SHPRH: variants seen among roughly 807,000 people sequenced by gnomAD.
SHPRH encodes SNF2 histone linker PHD RING helicase.
In SHPRH, 106 loss-of-function variants were observed where a neutral mutation model predicts 202.5. The observed-to-expected ratio is 0.52, with a 90% CI of 0.45 to 0.62. SHPRH has a LOEUF of 0.62. SHPRH is among the 20% of genes least tolerant of loss of function. SHPRH has a pLI of 0.00. For synonymous variants in SHPRH, 729 were observed against 686.0 expected, an observed-to-expected ratio of 1.06 and a Z score of -0.98; for missense variants, 1,710 against 2,020.0, an observed-to-expected ratio of 0.85 and a Z score of 2.94.
rs2128783230 is a variant in SHPRH, at chr6:145,943,456, T to A, written c.1925A>T (p.Asp642Val). The A allele has an allele frequency of 1.2e-6, 2 of 1,614,038 alleles. No individual in the cohort carries two copies. The highest frequency in any genetic ancestry group is 2.7e-5 in the African/African-American group (2 of 75,032). ...ACTCATGGTATTAGAAGGTGGTACATCACTATCAGCATGATTTAGAGATTC... is the reference window on the plus strand; with the variant it reads ...ACTCATGGTATTAGAAGGTGGTACAACACTATCAGCATGATTTAGAGATTC... ...CAESLNHADS[D>V]VPPSNTMSPF... Residue 642 changes from aspartate (D) to valine (V), a missense_variant, in exon 9 of 30, where the codon GAT (aspartate) becomes GTT (valine). By Grantham distance (152) the Asp-to-Val change is radical. This residue lies in a region of SHPRH where 348 missense variants were observed against 356.9 expected (regional missense o/e 0.97). Transcript: ENST00000275233.
intron 16 of SHPRH, among the ~76,000 whole-genome samples, chr6:145,925,589 C>CCTGAA (rs1784806982): frequency 2.0e-5 from 3 of 151,918 alleles, no homozygotes; most frequent in South Asian, 2.1e-4. Context: ...ATAAAGCCTC[C>CCTGAA]ACTTACAGGT....
intron 7 of SHPRH, 44 bp downstream of exon 7, chr6:145,946,189 G>T (rs1582799660): frequency 2.1e-6 from 3 of 1,426,660 alleles, no homozygotes; most frequent in Non-Finnish European, 2.9e-6. Context: ...CTCTAGCAAA[G>T]ATCACTATAA....
intron 24 of SHPRH, among the ~76,000 whole-genome samples, chr6:145,911,112 A>G (rs964969350): frequency 5.3e-5 from 8 of 152,222 alleles, no homozygotes; most frequent in African/African-American, 1.9e-4. Flanking sequence ...AAAAAATTAC[A>G]AACAAAAAGA....
In SHPRH at chr6:145,910,429, T is replaced by C; in HGVS notation, c.4515+19A>G. On this transcript the variant is annotated intron_variant, in intron 25 of 29. Transcript: ENST00000275233. ...ATATTGCCTTACCTATGCTTCTATG[T>C]GTTCCTGACCTACTTTACCTTCACA... The C allele has an allele frequency of 6.2e-7, 1 of 1,611,634 alleles. No individual in the cohort carries two copies.
intron 1 of SHPRH, among the ~76,000 whole-genome samples, chr6:145,956,386 A>G (rs573088595): frequency 2.0e-5 from 3 of 152,290 alleles, no homozygotes; most frequent in African/African-American, 7.2e-5. Context: ...AAATTACTGA[A>G]AAGTGAGGAC....
At chr6:145,892,220 A>G (rs918945955) in intron 28 of SHPRH, among the ~76,000 whole-genome samples, 9 of 152,018 alleles carry the variant, frequency 5.9e-5, no homozygotes, top group Non-Finnish European at 1.3e-4. Context: ...ATTTCCCACC[A>G]TTGTATTTTT....
chr6:145,864,474 G>A (rs551901290), exon 3 of SHPRH: 3 of 272,128 alleles, frequency 1.1e-5, no homozygotes, highest in South Asian at 4.1e-5. Context: ...ACAAAATAAC[G>A]CCTGTTCCTC....
Position 145,886,407 on chromosome 6 carries a change from T to TTATTATGTGTA in SHPRH, c.*283_*284insTACACATAATA. 1 of 755,278 alleles carries TTATTATGTGTA rather than the reference T, an allele frequency of 1.3e-6. No homozygotes were observed. The allele number at this position is 755,278 out of a possible 1,614,324, so 46.8% of individuals were successfully genotyped here. On this transcript the variant is annotated 3_prime_UTR_variant, in exon 30 of 30. Transcript: ENST00000275233. ...TATCATAAGAAAAGTACACATTACCTCTCTTAATTCCCTTGCATCATCAGA... is the reference window on the plus strand; with the variant it reads ...TATCATAAGAAAAGTACACATTACCTTATTATGTGTACTCTTAATTCCCTTGCATCATCAGA...
chr6:145,900,928 T>TG (rs1432439731), intron 25 of SHPRH, among the ~76,000 whole-genome samples: 2 of 152,204 alleles, frequency 1.3e-5, no homozygotes, highest in South Asian at 2.1e-4. Context: ...TCTGCAAATG[T>TG]GGGGGGCCAA....
chr6:145,862,438 CAAA>C (rs1218612511), downstream of SHPRH, among the ~76,000 whole-genome samples: 9 of 130,728 alleles, frequency 6.9e-5, 1 homozygote, highest in South Asian at 1.0e-3. Flanking sequence ...CAAAACAAAA[CAAA>C]AAAACAAAAA....
In SHPRH at chr6:145,950,392, T is replaced by C. The variant is rs773359632; in HGVS notation, c.854A>G (p.Gln285Arg). 26 of 1,613,260 alleles carry C rather than the reference T, an allele frequency of 1.6e-5. No individual in the cohort carries two copies. The highest frequency in any genetic ancestry group is 2.2e-5 in the Non-Finnish European group (26 of 1,179,480). ...ELYHFVKQTH[Q>R]QETQSIQVDV... ...CACTTGGATGGACTGCGTTTCTTGC[T>C]GATGTGTTTGTTTCACAAAGTGATA... The change falls in exon 4 of 30, where the codon CAG becomes CGG. Residue 285 changes from glutamine to arginine, a missense_variant. Physicochemically the swap from Gln to Arg is conservative, Grantham distance 43. Coordinates refer to ENST00000275233, the MANE Select transcript of SHPRH (RefSeq NM_001042683.3).
At position 145,921,340 on chromosome 6, in the gene SHPRH, G is replaced by A. The variant is rs1380126019; in HGVS notation, c.3835C>T (p.Leu1279=). ...FEEMIEDEEG[L]VDDRAPTTTR... is the part of the protein sequence containing the mutation. Reference sequence around the variant, plus strand: ...GTGGTAGGTGCTCGATCATCCACCAGTCCTTCTTCATCTTCTATCATCTCC... The same window carrying A: ...GTGGTAGGTGCTCGATCATCCACCAATCCTTCTTCATCTTCTATCATCTCC... The change falls in exon 21 of 30, where the codon CTG becomes TTG. Residue 1279 remains leucine (L), a synonymous_variant. Coordinates refer to ENST00000275233, the MANE Select transcript of SHPRH (RefSeq NM_001042683.3). 3.7e-6 allele frequency: 6 copies of A among 1,612,816 alleles called. No homozygotes were observed. The highest frequency in any genetic ancestry group is 1.1e-5 in the South Asian group (1 of 91,052).
chr6:145,939,015 T>C (rs1786434379), intron 11 of SHPRH, among the ~76,000 whole-genome samples: 1 of 152,114 alleles, frequency 6.6e-6, no homozygotes. Context: ...TACAGGACAA[T>C]TCCCAAAGAA....
At chr6:145,918,361 C>T (rs530801833) in intron 22 of SHPRH, 129 bp from the exon 23 acceptor site, 11 of 553,422 alleles carry the variant, frequency 2.0e-5, no homozygotes, top group Non-Finnish European at 2.5e-5. Context: ...TTCTAAAACA[C>T]AAGTTTTCAA....
At chr6:145,936,378 C>T (rs761480663) in intron 11 of SHPRH, among the ~76,000 whole-genome samples, 2 of 152,084 alleles carry the variant, frequency 1.3e-5, no homozygotes, top group Non-Finnish European at 2.9e-5. Flanking sequence ...TGCCCAGGCT[C>T]GAGTGCAGTG....
intron 1 of SHPRH, among the ~76,000 whole-genome samples, chr6:145,962,661 C>T (rs908444722): frequency 1.3e-5 from 2 of 152,082 alleles, no homozygotes; most frequent in African/African-American, 2.4e-5. Context: ...AAAAGATACA[C>T]ACAAATCTTG....
downstream of SHPRH, among the ~76,000 whole-genome samples, chr6:145,862,449 A>AACAACAAC (rs67243210): frequency 4.6e-5 from 7 of 151,348 alleles, no homozygotes; most frequent in African/African-American, 1.5e-4. Flanking sequence ...AAAAAAACAA[A>AACAACAAC]AACAACAACA....
chr6:145,944,557 C>A (rs1787161449), intron 8 of SHPRH, among the ~76,000 whole-genome samples: 1 of 151,970 alleles, frequency 6.6e-6, no homozygotes, highest in African/African-American at 2.4e-5. Flanking sequence ...TGAGGGAAAT[C>A]TTCTAGTTTT....
chr6:145,875,492 T>A (rs192385359), intron 2 of SHPRH, among the ~76,000 whole-genome samples: 1 of 152,216 alleles, frequency 6.6e-6, no homozygotes, highest in Non-Finnish European at 1.5e-5. Flanking sequence ...TACTCAATAT[T>A]TGAATGCTGA....
Sources: allele counts gnomAD v4.1 joint callset (sites outside exome capture counted in the v4.1 genomes callset), GRCh38; gene constraint gnomAD v4.1.1; regional missense constraint gnomAD v4.1.1; transcripts MANE v1.5; gene names NCBI Gene and HGNC (gene_info 2026-07-23, HGNC 2026-07-21).